CTNNA2: variants seen among roughly 807,000 people sequenced by gnomAD.
The protein encoded by CTNNA2 is catenin alpha 2.
Under a neutral mutation model 101.0 loss-of-function variants are expected in CTNNA2, and 42 were observed. That is an observed-to-expected ratio of 0.42 (90% CI 0.32 to 0.54). The LOEUF (loss-of-function observed/expected upper bound fraction) is 0.54. Ranked by LOEUF, CTNNA2 falls within the 20% of genes least tolerant of loss-of-function variation. The pLI, the probability that CTNNA2 is intolerant of heterozygous loss-of-function variation, is 0.14. For synonymous variants in CTNNA2, 450 were observed against 456.4 expected (o/e 0.99, Z 0.18); for missense variants, 871 against 1,223.1 (o/e 0.71, Z 4.29).
intron 7 of CTNNA2, among the ~76,000 whole-genome samples, chr2:80,211,729 A>G (rs1232122111): frequency 6.6e-6 from 1 of 152,188 alleles, no homozygotes; most frequent in Non-Finnish European, 1.5e-5. Context: ...TGAACTTTAA[A>G]GTAGTTTTTT....
chr2:79,356,521 A>C (rs2104443150), intron 3 of CTNNA2, among the ~76,000 whole-genome samples: 1 of 152,352 alleles, frequency 6.6e-6, no homozygotes, highest in East Asian at 1.9e-4. Flanking sequence ...AAAACAGTGA[A>C]AAGTTAAGTG....
intron 11 of CTNNA2, among the ~76,000 whole-genome samples, chr2:80,552,111 T>C (rs1692609822): frequency 6.6e-6 from 1 of 152,204 alleles, no homozygotes; most frequent in African/African-American, 2.4e-5. Context: ...GTTTGCCTTC[T>C]TAAGTGAACA....
At chr2:79,665,472 C>T (rs1354619225) in intron 2 of CTNNA2, among the ~76,000 whole-genome samples, 1 of 152,156 alleles carries the variant, frequency 6.6e-6, no homozygotes, top group African/African-American at 2.4e-5. Context: ...TGTTGAATGA[C>T]TAGAAGAATG....
chr2:80,006,000 G>T (rs752640740), intron 7 of CTNNA2, among the ~76,000 whole-genome samples: 7 of 152,016 alleles, frequency 4.6e-5, no homozygotes, highest in African/African-American at 7.2e-5. Context: ...ATCCACTAAA[G>T]AATAAGTTTC....
chr2:79,484,514 T>G (rs1174286426), intron 4 of CTNNA2, among the ~76,000 whole-genome samples: 1 of 152,096 alleles, frequency 6.6e-6, no homozygotes, highest in Non-Finnish European at 1.5e-5. Flanking sequence ...TTAATTTAAT[T>G]TAATGTAGAA....
intron 4 of CTNNA2, among the ~76,000 whole-genome samples, chr2:79,431,851 G>T (rs1279691177): frequency 6.6e-6 from 1 of 152,086 alleles, no homozygotes; most frequent in African/African-American, 2.4e-5. Context: ...TGCTCCTCCG[G>T]TGAACTATAA....
intron 7 of CTNNA2, among the ~76,000 whole-genome samples, chr2:80,100,232 C>T (rs538882498): frequency 8.5e-5 from 13 of 152,160 alleles, no homozygotes; most frequent in Non-Finnish European, 1.8e-4. Context: ...CTGCTCCCAA[C>T]CATGCATCTG....
chr2:79,924,897 G>T (rs1245426650), intron 7 of CTNNA2, among the ~76,000 whole-genome samples: 1 of 152,202 alleles, frequency 6.6e-6, no homozygotes, highest in African/African-American at 2.4e-5. Context: ...TGTTGTTCAT[G>T]TAACGTAACT....
intron 4 of CTNNA2, among the ~76,000 whole-genome samples, chr2:79,412,822 G>A (rs988321082): frequency 2.0e-5 from 3 of 151,994 alleles, no homozygotes; most frequent in Non-Finnish European, 4.4e-5. Context: ...TAGAAGGCAC[G>A]GATATGAGCC....
intron 7 of CTNNA2, among the ~76,000 whole-genome samples, chr2:80,099,253 T>C (rs1237326553): frequency 1.3e-5 from 2 of 152,056 alleles, no homozygotes; most frequent in Non-Finnish European, 2.9e-5. Flanking sequence ...AGTTTTACCA[T>C]TTACTAGCTG....
chr2:80,197,772 A>G (rs1706928610), intron 7 of CTNNA2, among the ~76,000 whole-genome samples: 1 of 152,166 alleles, frequency 6.6e-6, no homozygotes, highest in African/African-American at 2.4e-5. Context: ...ATCTTCATGT[A>G]GACAAGTCTC....
At chr2:80,208,976 G>C (rs541412392) in intron 7 of CTNNA2, among the ~76,000 whole-genome samples, 2 of 152,126 alleles carry the variant, frequency 1.3e-5, no homozygotes, top group African/African-American at 4.8e-5. Flanking sequence ...GCAATAAACT[G>C]CTCCTTCAGT....
intron 4 of CTNNA2, among the ~76,000 whole-genome samples, chr2:79,865,237 G>T (rs115493417): frequency 3.6e-4 from 54 of 152,100 alleles, no homozygotes; most frequent in African/African-American, 1.3e-3. Flanking sequence ...AACTTTATGG[G>T]GCAGAAATAT....
At chr2:80,358,859 CA>C (rs958554791) in intron 7 of CTNNA2, among the ~76,000 whole-genome samples, 2 of 151,768 alleles carry the variant, frequency 1.3e-5, no homozygotes, top group Non-Finnish European at 2.9e-5. Flanking sequence ...ACAAACGGAA[CA>C]GAAATATCAC....
intron 1 of CTNNA2, among the ~76,000 whole-genome samples, chr2:79,625,601 T>A (rs889357919): frequency 1.3e-5 from 2 of 152,172 alleles, no homozygotes; most frequent in Non-Finnish European, 2.9e-5. Flanking sequence ...AAAGTCGCTG[T>A]GGTGGAAGCA....
intron 7 of CTNNA2, among the ~76,000 whole-genome samples, chr2:79,988,559 A>G (rs1040281398): frequency 6.6e-6 from 1 of 152,126 alleles, no homozygotes; most frequent in South Asian, 2.1e-4. Flanking sequence ...AGAACTCCAC[A>G]TCTATATTTT....
At chr2:80,051,132 T>C (rs1476533317) in intron 7 of CTNNA2, among the ~76,000 whole-genome samples, 1 of 152,194 alleles carries the variant, frequency 6.6e-6, no homozygotes, top group Non-Finnish European at 1.5e-5. Context: ...AGGGATTTTG[T>C]AAAGAGTGCC....
intron 3 of CTNNA2, among the ~76,000 whole-genome samples, chr2:79,754,602 C>T (rs1196395801): frequency 3.9e-5 from 6 of 152,200 alleles, no homozygotes; most frequent in East Asian, 3.9e-4. Context: ...ACAAGAGTTG[C>T]GGGAGGTGGG....
At position 79,735,569 on chromosome 2, in the gene CTNNA2, T is replaced by C. The variant is rs77385757; in HGVS notation, c.103-8818T>C. On this transcript the variant is annotated intron_variant, in intron 2 of 18. Coordinates refer to ENST00000402739, the MANE Select transcript of CTNNA2 (RefSeq NM_001282597.3). The stretch of plus-strand genomic sequence containing the variant: ...TATTTCTGAATTCTACTTGCTATTA[T>C]ATTCTTCAGGAAATGTAGACCACAG... 4.9e-3 allele frequency among the ~76,000 whole-genome samples: 747 copies of C among 152,350 alleles called. 6 individuals are homozygous for C. The highest frequency in any genetic ancestry group is 0.017 in the African/African-American group (719 of 41,590).
Sources: allele counts gnomAD v4.1 joint callset (sites outside exome capture counted in the v4.1 genomes callset), GRCh38; gene constraint gnomAD v4.1.1; transcripts MANE v1.5; gene names NCBI Gene and HGNC (gene_info 2026-07-23, HGNC 2026-07-21).